The following AVEN variants were observed in gnomAD, a reference collection of about 807,000 sequenced individuals.
AVEN encodes apoptosis and caspase activation inhibitor.
In AVEN, 41 loss-of-function variants were observed where a neutral mutation model predicts 38.1. That is an observed-to-expected ratio of 1.08 (90% CI 0.84 to 1.40). The LOEUF (loss-of-function observed/expected upper bound fraction) is 1.40. AVEN is among the 40% of genes most tolerant of loss of function. AVEN has a pLI of 0.00. For synonymous variants in AVEN, 206 were observed against 171.8 expected (o/e 1.20, Z -1.56); for missense variants, 605 against 438.8 (o/e 1.38, Z -3.38).
rs372192551 is a variant in AVEN, at chr15:33,989,369, A to G, written c.445+13663T>C. ...TGTATAGAACTTTATAATTTGTAAA[A>G]TAATTCCACATGATCGTCACAACTA... On this transcript the variant is annotated intron_variant, in intron 2 of 5. Transcript: ENST00000306730. Among the ~76,000 whole-genome samples the G allele has an allele frequency of 1.1e-4, 17 of 152,210 alleles. No individual in the cohort carries two copies. The East Asian group carries it at 1.5e-3, about 14-fold the overall frequency.
At chr15:33,876,343 G>A (rs912138158) in intron 2 of AVEN, among the ~76,000 whole-genome samples, 7 of 152,088 alleles carry the variant, frequency 4.6e-5, no homozygotes, top group Non-Finnish European at 7.4e-5. Flanking sequence ...AGGCTGAGGC[G>A]GGTGGATTAC....
At chr15:33,869,200 G>T (rs1250192427) in intron 4 of AVEN, among the ~76,000 whole-genome samples, 2 of 152,058 alleles carry the variant, frequency 1.3e-5, no homozygotes, top group Non-Finnish European at 2.9e-5. Flanking sequence ...TTCTGGGGTG[G>T]GTGTCTGGCC....
chr15:34,062,623 T>A, intron 5 of AVEN: 1 of 1,116,074 alleles, frequency 9.0e-7, no homozygotes, highest in Non-Finnish European at 1.3e-6. Context: ...GCGAAGCTAA[T>A]GTGTTTCCCT....
downstream of AVEN, among the ~76,000 whole-genome samples, chr15:33,863,119 C>T (rs72716833): frequency 0.01 from 1,544 of 152,230 alleles, 11 homozygotes; most frequent in Non-Finnish European, 0.016. Context: ...GGCACTGTTA[C>T]ACTGGTCTCT....
intron 1 of AVEN, among the ~76,000 whole-genome samples, chr15:34,026,989 G>A (rs1898505942): frequency 7.0e-6 from 1 of 142,040 alleles, no homozygotes; most frequent in East Asian, 2.5e-4. Flanking sequence ...AGTGGCAATG[G>A]CTGCTTCAAA....
chr15:33,997,818 C>T (rs919839461), intron 2 of AVEN, among the ~76,000 whole-genome samples: 21 of 152,136 alleles, frequency 1.4e-4, no homozygotes, highest in African/African-American at 2.7e-4. Context: ...CCTACCCTTC[C>T]GTCCGGTCTT....
At chr15:33,952,259 G>A (rs944940951) in intron 2 of AVEN, among the ~76,000 whole-genome samples, 1 of 152,122 alleles carries the variant, frequency 6.6e-6, no homozygotes, top group African/African-American at 2.4e-5. Context: ...AATCACTCCA[G>A]GTTCAAAGGT....
intron 2 of AVEN, among the ~76,000 whole-genome samples, chr15:33,968,232 C>T (rs898230791): frequency 2.1e-4 from 32 of 150,714 alleles, no homozygotes; most frequent in African/African-American, 7.3e-4. Flanking sequence ...TCCCAAAATA[C>T]GTCACTTAAC....
chr15:33,992,321 C>T (rs563589445), intron 2 of AVEN, among the ~76,000 whole-genome samples: 1 of 151,774 alleles, frequency 6.6e-6, no homozygotes, highest in South Asian at 2.1e-4. Context: ...GCCCGGGGGG[C>T]GGAGCTTGCA....
chr15:34,046,476 C>T (rs1275710381), intron 5 of AVEN: 3 of 152,136 alleles, frequency 2.0e-5, no homozygotes, highest in Non-Finnish European at 4.4e-5. Context: ...AATGTTACTG[C>T]ACATTGCAGT....
intron 1 of AVEN, among the ~76,000 whole-genome samples, chr15:34,023,170 A>T (rs1898285874): frequency 6.6e-6 from 1 of 151,564 alleles, no homozygotes; most frequent in African/African-American, 2.4e-5. Context: ...ACAGAGCGAG[A>T]CTCGGTCTCA....
intron 2 of AVEN, among the ~76,000 whole-genome samples, chr15:33,924,367 CAAA>C (rs1439645756): frequency 7.5e-6 from 1 of 133,574 alleles, no homozygotes. Flanking sequence ...GAGACTGTCT[CAAA>C]AAAAAAAAAA....
At chr15:33,996,340 A>G (rs2140594016) in intron 2 of AVEN, among the ~76,000 whole-genome samples, 1 of 152,302 alleles carries the variant, frequency 6.6e-6, no homozygotes, top group Admixed American at 6.5e-5. Flanking sequence ...TTCTCCCAGC[A>G]CAGTGTTTGA....
downstream of AVEN, among the ~76,000 whole-genome samples, chr15:33,863,667 T>G (rs983941360): frequency 6.6e-6 from 1 of 152,092 alleles, no homozygotes; most frequent in East Asian, 1.9e-4. Context: ...AACAAAACTA[T>G]AGTTCTGGAA....
At chr15:34,047,504 C>T (rs2140818022) in intron 5 of AVEN, among the ~76,000 whole-genome samples, 1 of 152,288 alleles carries the variant, frequency 6.6e-6, no homozygotes, top group Non-Finnish European at 1.5e-5. Flanking sequence ...GGCCCCACTT[C>T]CCTGGCACCT....
chr15:34,018,202 A>T (rs1165816785), intron 1 of AVEN: 3 of 152,232 alleles, frequency 2.0e-5, no homozygotes, highest in Non-Finnish European at 4.4e-5. Context: ...AGCTCCATGC[A>T]TTTTGCTGAC....
At chr15:33,935,586 T>C (rs1440718301) in intron 2 of AVEN, among the ~76,000 whole-genome samples, 1 of 152,120 alleles carries the variant, frequency 6.6e-6, no homozygotes. Flanking sequence ...TCTATAAAGG[T>C]TATATATGTG....
At chr15:33,902,688 T>C (rs914433891) in intron 2 of AVEN, among the ~76,000 whole-genome samples, 8 of 152,150 alleles carry the variant, frequency 5.3e-5, no homozygotes, top group Admixed American at 1.3e-4. Context: ...AACAACCTGT[T>C]AGAATAAATG....
chr15:33,863,295 T>G (rs1484934009), downstream of AVEN, among the ~76,000 whole-genome samples: 1 of 152,208 alleles, frequency 6.6e-6, no homozygotes, highest in Non-Finnish European at 1.5e-5. Context: ...TTAACCCTAC[T>G]GTCTTTCTCA....
Sources: gnomAD v4.1 joint callset for allele counts (sites outside exome capture counted in the v4.1 genomes callset) on GRCh38, gnomAD v4.1.1 for gene constraint, MANE v1.5 for transcripts, NCBI Gene and HGNC (gene_info 2026-07-23, HGNC 2026-07-21) for gene names.